Variants in RECQL4 observed in about 807,000 individuals in gnomAD.
The protein encoded by RECQL4 is ATP-dependent DNA helicase Q4.
Under a neutral mutation model 128.6 loss-of-function variants are expected in RECQL4, and 158 were observed. The ratio of observed to expected loss-of-function variants is 1.23; its 90% CI spans 1.08 to 1.40. The LOEUF is 1.40. Among genes scored for constraint, RECQL4 ranks in the 40% most tolerant of loss-of-function variants. RECQL4 has a pLI of 0.00. For synonymous variants in RECQL4, 996 were observed against 678.9 expected, an observed-to-expected ratio of 1.47 and a Z score of -7.26; for missense variants, 2,293 against 1,649.8, an observed-to-expected ratio of 1.39 and a Z score of -6.75.
Position 144,512,335 on chromosome 8 carries a change from G to A in RECQL4, c.3056-11C>T, listed in dbSNP as rs374983038. 4.0e-5 allele frequency: 64 copies of A among 1,611,838 alleles called. No homozygotes were observed. The African/African-American group carries it at 7.2e-4, about 18-fold the overall frequency. The stretch of plus-strand genomic sequence containing the variant: ...TCCCACGCCGCACACCTGCCGGAAA[G>A]CATGTCAGATGCAGGCAGGCAGCGT... On this transcript the variant is annotated splice_polypyrimidine_tract_variant and intron_variant, in intron 17 of 20. Coordinates refer to ENST00000617875, the MANE Select transcript of RECQL4 (RefSeq NM_004260.4).
chr8:144,513,770 TGGGGAGTGAGGAGGGGTCGGC>T, intron 12 of RECQL4, 58 bp from the exon 13 acceptor site: 4 of 1,446,996 alleles, frequency 2.8e-6, no homozygotes, highest in Admixed American at 2.2e-5. Flanking sequence ...GCGTGTGCAG[TGGGGAGTGAGGAGGGGTCGGC>T]GTGGGGAGTG....
At position 144,511,979 on chromosome 8, in the gene RECQL4, C is replaced by CA; in HGVS notation, c.3324dup (p.Glu1109Ter). The CA allele has an allele frequency of 6.2e-7, 1 of 1,611,458 alleles. No homozygotes were observed. Among genetic ancestry groups the CA allele is most frequent in the Non-Finnish European group, 8.5e-7 (1 of 1,179,614 alleles). ...CCCGGCTCCTGCCCTTCCTCTTCCTCAAAGTAGCGGCCGAGCAGGTCCTTG... is the reference window on the plus strand; with the variant it reads ...CCCGGCTCCTGCCCTTCCTCTTCCTCAAAAGTAGCGGCCGAGCAGGTCCTTG... On this transcript the variant is annotated frameshift_variant, in exon 19 of 21. Coordinates refer to ENST00000617875, the MANE Select transcript of RECQL4 (RefSeq NM_004260.4). LOFTEE classifies it high-confidence loss of function.
chr8:144,515,055 C>T lies in RECQL4; in HGVS notation c.1501G>A (p.Val501Met), dbSNP rs1016151338. ...GACTTGCCGGCACCTGTAGGCAGCACCAGCAGCGTGGAGATGCCTGGATGG... is the reference window on the plus strand; with the variant it reads ...GACTTGCCGGCACCTGTAGGCAGCATCAGCAGCGTGGAGATGCCTGGATGG... ...RILSGISTLL[V>M]LPTGAGKSLC... Residue 501 changes from valine to methionine, a missense_variant, in exon 9 of 21, where the codon GTG (valine) becomes ATG (methionine). By Grantham distance (21) the Val-to-Met change is conservative. Coordinates refer to ENST00000617875, the MANE Select transcript of RECQL4 (RefSeq NM_004260.4). The T allele has an allele frequency of 1.2e-6, 2 of 1,608,544 alleles. No homozygotes were observed. The highest frequency in any genetic ancestry group is 1.3e-5 in the African/African-American group (1 of 74,844).
Position 144,515,781 on chromosome 8 carries a change from G to C in RECQL4, c.1241C>G (p.Ala414Gly). ...TGTCTCACCTGGCCGGGGACACTGG[G>C]CTGCCCAGTGATCGAACTGCTCGTT... ...FLNEQFDHWA[A>G]QCPRPASEED... Residue 414 changes from alanine to glycine, a missense_variant, in exon 6 of 21, where the codon GCC (alanine) becomes GGC (glycine). By Grantham distance (60) the Ala-to-Gly change is moderately conservative. Transcript: ENST00000617875. 6.2e-7 allele frequency: 1 copy of C among 1,612,420 alleles called. No individual in the cohort carries two copies. The highest frequency in any genetic ancestry group is 8.5e-7 in the Non-Finnish European group (1 of 1,179,686).
In RECQL4 at chr8:144,513,352, C is replaced by A. The variant is rs377173936; in HGVS notation, c.2329G>T (p.Gly777Trp). The A allele has an allele frequency of 4.4e-6, 7 of 1,605,682 alleles. No individual in the cohort carries two copies. The African/African-American group carries it at 9.3e-5, about 21-fold the overall frequency. The change falls in exon 14 of 21, where the codon GGG (glycine) becomes TGG (tryptophan). Residue 777 changes from glycine (G) to tryptophan (W), a missense_variant. By Grantham distance (184) the Gly-to-Trp change is radical. Transcript: ENST00000617875. ...GCCCGCACATCTGGCCGGTCCAGCCCCATCCCAAAGGCCACCGTGGCCACC... is the reference window on the plus strand; with the variant it reads ...GCCCGCACATCTGGCCGGTCCAGCCACATCCCAAAGGCCACCGTGGCCACC... ...VVVATVAFGM[G>W]LDRPDVRAVL... is the part of the protein sequence containing the mutation.
Position 144,513,037 on chromosome 8 carries a change from G to T in RECQL4, c.2565C>A (p.Cys855Ter). 6.3e-7 allele frequency: 1 copy of T among 1,575,806 alleles called. No individual in the cohort carries two copies. Among genetic ancestry groups the T allele is most frequent in the Non-Finnish European group, 8.6e-7 (1 of 1,161,792 alleles). Residue 855 changes from cysteine (C) to a stop codon, truncating the protein, a stop_gained, in exon 15 of 21, where the codon TGC (cysteine) becomes TGA (stop). Coordinates refer to ENST00000617875, the MANE Select transcript of RECQL4 (RefSeq NM_004260.4). LOFTEE classifies it high-confidence loss of function. The stretch of plus-strand genomic sequence containing the variant: ...GCTCCGAGGGCGGCCTGGTGCAGGT[G>T]CAGGTGCAGGCTGGGAACACGCGCT... ...LVQRVFPACTCTCTRPPSEQE... is the reference protein window; with the variant it reads ...LVQRVFPACT
At position 144,514,327 on chromosome 8, in the gene RECQL4, T is replaced by A; in HGVS notation, c.1740A>T (p.Thr580=). Residue 580 remains threonine (T), a synonymous_variant, in exon 11 of 21, where the codon ACA becomes ACT. Coordinates refer to ENST00000617875, the MANE Select transcript of RECQL4 (RefSeq NM_004260.4). ...RAAQVHVLML[T]PEALVGAGGL... ...CTCCCGCCCCCACCAGTGCCTCAGG[T>A]GTCAGCATCAGCACGTGTACCTGGG... 6.2e-7 allele frequency: 1 copy of A among 1,608,482 alleles called. No homozygotes were observed. The highest frequency in any genetic ancestry group is 8.5e-7 in the Non-Finnish European group (1 of 1,177,438).
At chr8:144,515,692 G>A in intron 6 of RECQL4, 72 bp downstream of exon 6, 6 of 1,564,058 alleles carry the variant, frequency 3.8e-6, no homozygotes, top group South Asian at 2.4e-5. Flanking sequence ...TGGAACATAA[G>A]TGTCCCCCAA....
rs1042489227 is a variant in RECQL4, at chr8:144,511,901, C to T, written c.3393+10G>A. The T allele has an allele frequency of 6.2e-7, 1 of 1,610,388 alleles. No individual in the cohort carries two copies. Among genetic ancestry groups the T allele is most frequent in the Non-Finnish European group, 8.5e-7 (1 of 1,179,608 alleles). ...AACCCCGATGAGCTGCCTGGCCTTA[C>T]TGCACTCACTCTGGCCTGCCCTGGC... On this transcript the variant is annotated intron_variant, in intron 19 of 20. Transcript: ENST00000617875.
chr8:144,515,080 G>C lies in RECQL4; in HGVS notation c.1484-8C>G. ...CCAGCAGCGTGGAGATGCCTGGATG[G>C]GGCGGGAGTCAGCAGCAGGGTTCTG... On this transcript the variant is annotated splice_polypyrimidine_tract_variant and splice_region_variant and intron_variant, in intron 8 of 20. Coordinates refer to ENST00000617875, the MANE Select transcript of RECQL4 (RefSeq NM_004260.4). 1.2e-6 allele frequency: 2 copies of C among 1,602,258 alleles called. No homozygotes were observed. The highest frequency in any genetic ancestry group is 1.7e-6 in the Non-Finnish European group (2 of 1,175,388).
chr8:144,511,593 C>G (rs753960282), intron 20 of RECQL4, 38 bp from the exon 21 acceptor site: 49 of 1,607,992 alleles, frequency 3.0e-5, no homozygotes, highest in Non-Finnish European at 3.8e-5. Flanking sequence ...AGCCCCAGCC[C>G]CAGCCTGCAG....
In RECQL4 at chr8:144,517,207, G is replaced by T. The variant is rs768498709; in HGVS notation, c.214-17C>A. 27 of 1,586,788 alleles carry T rather than the reference G, an allele frequency of 1.7e-5. 1 individual carries two copies. The South Asian group carries it at 2.8e-4, about 17-fold the overall frequency. ...CTCTGGCGCCTGCAGGAGACAACAG[G>T]GGCACAGGCCAGAAAAGGCTGTTGT... On this transcript the variant is annotated splice_polypyrimidine_tract_variant and intron_variant, in intron 3 of 20. Coordinates refer to ENST00000617875, the MANE Select transcript of RECQL4 (RefSeq NM_004260.4).
At position 144,513,203 on chromosome 8, in the gene RECQL4, G is replaced by T. The variant is rs770999576; in HGVS notation, c.2463+15C>A. The T allele has an allele frequency of 4.4e-5, 68 of 1,560,228 alleles. No individual in the cohort carries two copies. Among genetic ancestry groups the T allele is most frequent in the Non-Finnish European group, 5.7e-5 (66 of 1,156,332 alleles). ...GGGCTCGAGCACTGGCAGTGTGGGG[G>T]GGGGGGGTGCCAACCTGGGGCTGCA... On this transcript the variant is annotated intron_variant, in intron 14 of 20. Coordinates refer to ENST00000617875, the MANE Select transcript of RECQL4 (RefSeq NM_004260.4).
Position 144,516,060 on chromosome 8 carries a change from G to T in RECQL4, c.1059C>A (p.Tyr353Ter). ...PRLARHDRGN[Y>*]VRLNMKQKHY... The stretch of plus-strand genomic sequence containing the variant: ...GTTTCTGCTTCATGTTGAGCCGTAC[G>T]TAATTGCCCCTGTCATGGCGGGCCA... Residue 353 changes from tyrosine to a stop codon, truncating the protein, a stop_gained, in exon 5 of 21, where the codon TAC (tyrosine) becomes TAA (stop). Coordinates refer to ENST00000617875, the MANE Select transcript of RECQL4 (RefSeq NM_004260.4). LOFTEE classifies it high-confidence loss of function. 6.2e-7 allele frequency: 1 copy of T among 1,612,692 alleles called. No homozygotes were observed. Among genetic ancestry groups the T allele is most frequent in the South Asian group, 1.1e-5 (1 of 91,090 alleles).
intron 15 of RECQL4, 31 bp from the exon 16 acceptor site, chr8:144,512,802 G>A: frequency 1.9e-6 from 3 of 1,610,270 alleles, no homozygotes; most frequent in South Asian, 1.1e-5. Flanking sequence ...AGCGGACGCG[G>A]GGACAGCCCC....
chr8:144,511,581 T>C, intron 20 of RECQL4, 26 bp from the exon 21 acceptor site: 1 of 1,609,598 alleles, frequency 6.2e-7, no homozygotes, highest in Admixed American at 1.7e-5. Context: ...GACACAGCCG[T>C]GAGCCCCAGC....
In RECQL4 at chr8:144,514,061, G is replaced by C. The variant is rs1338105623; in HGVS notation, c.1925C>G (p.Ala642Gly). ...ACTGGCAGTGCGGCGTGTGGCTGTG[G>C]CTGTGAGGCCCAGGAAGCAGTGCAC... ...MGVHCFLGLT[A>G]TATRRTASDV... Residue 642 changes from alanine to glycine, a missense_variant, in exon 12 of 21, where the codon GCC becomes GGC. Transcript: ENST00000617875. The C allele has an allele frequency of 6.3e-7, 1 of 1,587,610 alleles. No individual in the cohort carries two copies. The highest frequency in any genetic ancestry group is 2.3e-5 in the East Asian group (1 of 43,276).
rs33972310 is a variant in RECQL4, at chr8:144,512,557, G to A, written c.2890C>T (p.Pro964Ser). 3 of 1,612,532 alleles carry A rather than the reference G, an allele frequency of 1.9e-6. No homozygotes were observed. The highest frequency in any genetic ancestry group is 2.5e-6 in the Non-Finnish European group (3 of 1,179,774). Residue 964 changes from proline (P) to serine (S), a missense_variant, in exon 17 of 21, where the codon CCC (proline) becomes TCC (serine). Transcript: ENST00000617875. ...AQLQALAHRC[P>S]PLAVCLAQQL... The stretch of plus-strand genomic sequence containing the variant: ...TGGGCCAAGCACACAGCCAAAGGGG[G>A]ACACCTGTGCCCAGGGAAAAAGGGA...
chr8:144,516,425 C>T lies in RECQL4; in HGVS notation c.694G>A (p.Ala232Thr), dbSNP rs776332812. 1.9e-6 allele frequency: 3 copies of T among 1,609,166 alleles called. No individual in the cohort carries two copies. In the South Asian group the frequency reaches 3.3e-5, roughly 18 times the overall value. Residue 232 changes from alanine to threonine, a missense_variant, in exon 5 of 21, where the codon GCT (alanine) becomes ACT (threonine). Coordinates refer to ENST00000617875, the MANE Select transcript of RECQL4 (RefSeq NM_004260.4). ...GAAGCCTCTGGGCCCTGGGAGCCAGCACCAGGACCAAGGACAGCCGACTCA... is the reference window on the plus strand; with the variant it reads ...GAAGCCTCTGGGCCCTGGGAGCCAGTACCAGGACCAAGGACAGCCGACTCA... ...PGESAVLGPG[A>T]GSQGPEASAF...
Sources: gnomAD v4.1 joint callset for allele counts on GRCh38, gnomAD v4.1.1 for gene constraint, MANE v1.5 for transcripts, NCBI Gene and HGNC (gene_info 2026-07-23, HGNC 2026-07-21) for gene names.